WDR4: variants seen among roughly 807,000 people sequenced by gnomAD.
The protein encoded by WDR4 is tRNA (guanine-N(7)-)-methyltransferase non-catalytic subunit WDR4.
Under a neutral mutation model 48.6 loss-of-function variants are expected in WDR4, and 47 were observed. The observed-to-expected ratio is 0.97, with a 90% CI of 0.77 to 1.23. The LOEUF is 1.23. Among genes scored for constraint, WDR4 ranks in the 50% most tolerant of loss-of-function variants. The pLI, the probability that WDR4 is intolerant of heterozygous loss-of-function variation, is 0.00. For missense variants in WDR4, 606 were observed against 551.6 expected (o/e 1.10, Z -0.99); for synonymous variants, 268 against 230.0 (o/e 1.17, Z -1.49).
At chr21:42,879,661 C>T (rs2058589119), upstream of WDR4, 2 of 811,290 alleles carry the variant, frequency 2.5e-6, no homozygotes, top group East Asian at 2.9e-5. Context: ...GTGCTGTGAC[C>T]GCCCTCCGGG....
intron 4 of WDR4, 46 bp downstream of exon 4, chr21:42,863,394 T>G: frequency 6.3e-7 from 1 of 1,579,626 alleles, no homozygotes; most frequent in Non-Finnish European, 8.6e-7. Flanking sequence ...CCATGTACCG[T>G]GTCCCACACC....
the WDR4 span, among the ~76,000 whole-genome samples, chr21:42,887,580 G>T: frequency 3.9e-5 from 6 of 152,320 alleles, no homozygotes; most frequent in Non-Finnish European, 7.3e-5. Flanking sequence ...GGTTGTGAAA[G>T]ATTCCAGTAG....
intron 3 of WDR4, among the ~76,000 whole-genome samples, chr21:42,864,374 G>A (rs1422743392): frequency 2.6e-5 from 4 of 151,900 alleles, no homozygotes; most frequent in African/African-American, 9.7e-5. Context: ...CAGCCTTGCC[G>A]CTCCCCTGAC....
Position 42,855,770 on chromosome 21 carries a change from A to AG in WDR4, c.637dup (p.Leu213ProfsTer117). The AG allele has an allele frequency of 4.5e-6, 7 of 1,551,600 alleles. No homozygotes were observed. Among genetic ancestry groups the AG allele is most frequent in the Non-Finnish European group, 6.1e-6 (7 of 1,146,974 alleles). ...GCCGCTCCTGTACTCCCAGAGCCTC[A>AG]GGGTGCCGTCCTGCACAAACCAAAC... On this transcript the variant is annotated frameshift_variant, in exon 7 of 11. Coordinates refer to ENST00000398208, the MANE Select transcript of WDR4 (RefSeq NM_018669.6). LOFTEE classifies it high-confidence loss of function.
chr21:42,878,536 A>G (rs1225203798), intron 1 of WDR4, among the ~76,000 whole-genome samples: 1 of 152,170 alleles, frequency 6.6e-6, no homozygotes, highest in Non-Finnish European at 1.5e-5. Flanking sequence ...GCTTTCTAAA[A>G]CCAAACGAAC....
At chr21:42,863,350 A>AT in intron 4 of WDR4, 90 bp downstream of exon 4, 1 of 1,473,418 alleles carries the variant, frequency 6.8e-7, no homozygotes, top group Non-Finnish European at 9.2e-7. Context: ...CAGGGTAGAC[A>AT]TTGACTCAGC....
chr21:42,843,406 CTTTTTTTTTTTTTTTT>C (rs532319764), intron 11 of WDR4: 3 of 72,238 alleles, frequency 4.2e-5, no homozygotes, highest in Non-Finnish European at 2.5e-5. Flanking sequence ...CACTGGTGTG[CTTTTTTTTTTTTTTTT>C]TTTTTTTTTT....
the WDR4 span, among the ~76,000 whole-genome samples, chr21:42,891,549 A>G: frequency 6.6e-6 from 1 of 152,100 alleles, no homozygotes; most frequent in Non-Finnish European, 1.5e-5. Context: ...TGGATCTTCC[A>G]ATTCCAGATC....
At chr21:42,866,086 C>T (rs774495481) in intron 3 of WDR4, among the ~76,000 whole-genome samples, 1 of 152,106 alleles carries the variant, frequency 6.6e-6, no homozygotes, top group African/African-American at 2.4e-5. Context: ...CAGTTGTTTT[C>T]GGAAACACAG....
chr21:42,871,996 T>G (rs1472727869), intron 3 of WDR4, among the ~76,000 whole-genome samples: 1 of 152,076 alleles, frequency 6.6e-6, no homozygotes, highest in African/African-American at 2.4e-5. Flanking sequence ...TTGGCTTTTT[T>G]TTTTTGAGAC....
chr21:42,884,192 G>A (rs1040507901), upstream of WDR4, among the ~76,000 whole-genome samples: 1 of 152,232 alleles, frequency 6.6e-6, no homozygotes, highest in Non-Finnish European at 1.5e-5. Context: ...TTGATAGGCA[G>A]TTTGGGATTT....
downstream of WDR4, among the ~76,000 whole-genome samples, chr21:42,847,203 G>GC (rs1278470880): frequency 6.6e-6 from 1 of 152,210 alleles, no homozygotes; most frequent in African/African-American, 2.4e-5. Flanking sequence ...AAACAGGGTG[G>GC]CGACATCTCA....
intron 11 of WDR4, among the ~76,000 whole-genome samples, chr21:42,843,602 C>T (rs1450009821): frequency 2.0e-5 from 3 of 151,292 alleles, no homozygotes; most frequent in African/African-American, 7.3e-5. Flanking sequence ...AAGACAGATT[C>T]TTGCTCTGTC....
intron 3 of WDR4, among the ~76,000 whole-genome samples, chr21:42,863,823 C>T (rs918296858): frequency 6.6e-6 from 1 of 151,580 alleles, no homozygotes; most frequent in South Asian, 2.1e-4. Context: ...AAAATTGCTC[C>T]TAGCCGGGCG....
chr21:42,879,729 G>A (rs961530400), upstream of WDR4: 5 of 521,926 alleles, frequency 9.6e-6, no homozygotes, highest in Non-Finnish European at 1.4e-5. Context: ...AAGGTGATCT[G>A]ATGGAGTGCA....
In WDR4 at chr21:42,859,669, G is replaced by A. The variant is rs2058071300; in HGVS notation, c.620C>T (p.Ser207Phe). 4 of 1,555,876 alleles carry A rather than the reference G, an allele frequency of 2.6e-6. No homozygotes were observed. Among genetic ancestry groups the A allele is most frequent in the Admixed American group, 1.9e-5 (1 of 52,164 alleles). The change falls in exon 6 of 11, where the codon TCC becomes TTC. Residue 207 changes from serine to phenylalanine, a missense_variant. Coordinates refer to ENST00000398208, the MANE Select transcript of WDR4 (RefSeq NM_018669.6). Reference protein sequence around the residue: ...VPTQPGLLLSSSGDGTLRLWE... With the variant: ...VPTQPGLLLSFSGDGTLRLWE... ...GCTGGGCAGAACACTTACCCCAGAG[G>A]AGGACAGAAGCAGCCCGGGCTGAGT...
intron 1 of WDR4, among the ~76,000 whole-genome samples, chr21:42,877,435 G>A (rs938111548): frequency 2.7e-5 from 4 of 148,850 alleles, no homozygotes; most frequent in East Asian, 2.0e-4. Context: ...GAGCCACTGC[G>A]CCCAGCCTAA....
intron 7 of WDR4, 96 bp from the exon 8 acceptor site, chr21:42,854,722 G>A (rs1432220656): frequency 5.3e-6 from 6 of 1,138,284 alleles, no homozygotes; most frequent in South Asian, 2.9e-5. Context: ...GGACGCTCAC[G>A]CCCCCACATA....
chr21:42,874,006 T>A (rs1412608166), intron 2 of WDR4, among the ~76,000 whole-genome samples: 2 of 152,074 alleles, frequency 1.3e-5, no homozygotes, highest in Non-Finnish European at 2.9e-5. Context: ...GAGGCAGGGA[T>A]AAACTCACAT....
Sources: gnomAD v4.1 joint callset for allele counts (sites outside exome capture counted in the v4.1 genomes callset) on GRCh38, gnomAD v4.1.1 for gene constraint, MANE v1.5 for transcripts, NCBI Gene and HGNC (gene_info 2026-07-23, HGNC 2026-07-21) for gene names.